Variants in CEP126 observed in about 807,000 individuals in gnomAD.
The protein encoded by CEP126 is centrosomal protein 126.
A neutral mutation model predicts 107.8 loss-of-function variants in CEP126; 74 were observed. The observed-to-expected ratio is 0.69, with a 90% CI of 0.57 to 0.83. The LOEUF is 0.83. Among genes scored for constraint, CEP126 ranks in the 40% least tolerant of loss-of-function variants. The pLI, the probability that CEP126 is intolerant of heterozygous loss-of-function variation, is 0.00. For synonymous variants in CEP126, 449 were observed against 446.0 expected (o/e 1.01, Z -0.08); for missense variants, 1,237 against 1,281.9 (o/e 0.96, Z 0.53).
intron 1 of CEP126, among the ~76,000 whole-genome samples, chr11:101,917,604 A>T (rs1480653400): frequency 5.9e-5 from 6 of 101,394 alleles, no homozygotes; most frequent in Middle Eastern, 4.5e-3. Flanking sequence ...AATGGAATTT[A>T]AAAAAAAAAA....
intron 2 of CEP126, among the ~76,000 whole-genome samples, chr11:101,939,111 A>G (rs780100576): frequency 2.0e-5 from 3 of 152,182 alleles, no homozygotes; most frequent in African/African-American, 4.8e-5. Flanking sequence ...CAAATATTCT[A>G]TATTCTTACT....
intron 1 of CEP126, among the ~76,000 whole-genome samples, chr11:101,918,631 A>T (rs922395850): frequency 6.6e-6 from 1 of 152,204 alleles, no homozygotes; most frequent in African/African-American, 2.4e-5. Flanking sequence ...TAATGCACTA[A>T]AAGATATAAA....
At chr11:101,924,437 G>A (rs75906457) in intron 2 of CEP126, among the ~76,000 whole-genome samples, 3 of 127,752 alleles carry the variant, frequency 2.3e-5, no homozygotes, top group Non-Finnish European at 3.5e-5. Flanking sequence ...TTGTTTTGGG[G>A]CTGTGTGTGT....
intron 2 of CEP126, among the ~76,000 whole-genome samples, chr11:101,924,874 A>C (rs1387095777): frequency 1.3e-5 from 2 of 152,194 alleles, no homozygotes; most frequent in African/African-American, 4.8e-5. Flanking sequence ...TGTTCCTAGC[A>C]TCAAGTTCTC....
At chr11:101,990,491 C>T (rs561740847) in intron 9 of CEP126, among the ~76,000 whole-genome samples, 1 of 152,248 alleles carries the variant, frequency 6.6e-6, no homozygotes, top group Non-Finnish European at 1.5e-5. Flanking sequence ...GGGCCAAAAC[C>T]ATTAGAGGTA....
chr11:101,983,781 A>T (rs1361226105), intron 8 of CEP126, among the ~76,000 whole-genome samples: 1 of 152,214 alleles, frequency 6.6e-6, no homozygotes, highest in Non-Finnish European at 1.5e-5. Context: ...GAATAACAGA[A>T]TAACTGCTAG....
chr11:101,978,115 A>G (rs1941213808), intron 6 of CEP126, among the ~76,000 whole-genome samples: 1 of 152,188 alleles, frequency 6.6e-6, no homozygotes, highest in South Asian at 2.1e-4. Context: ...CATGCTCTGG[A>G]GGTTACTGCT....
intron 1 of CEP126, among the ~76,000 whole-genome samples, chr11:101,918,080 C>A (rs1940257235): frequency 6.6e-6 from 1 of 152,112 alleles, no homozygotes; most frequent in Admixed American, 6.5e-5. Context: ...CACAAACACA[C>A]ACACTCCCAC....
In CEP126 at chr11:101,978,348, G is replaced by A; in HGVS notation, c.2847G>A (p.Gly949=). The stretch of plus-strand genomic sequence containing the variant: ...ACATTGTGCTGGCATTTGTTTAAGG[G>A]TCTACTGTTATGAGAAGAAAACGAA... ...NVLHQNKRAT[G]STVMRRKRIA... is the part of the protein sequence containing the mutation. Residue 949 remains glycine, a splice_region_variant and synonymous_variant, in exon 7 of 11, where the codon GGG becomes GGA. Coordinates refer to ENST00000263468, the MANE Select transcript of CEP126 (RefSeq NM_020802.4). The A allele has an allele frequency of 6.2e-7, 1 of 1,605,034 alleles. No individual in the cohort carries two copies. Among genetic ancestry groups the A allele is most frequent in the Non-Finnish European group, 8.5e-7 (1 of 1,172,216 alleles).
intron 6 of CEP126, among the ~76,000 whole-genome samples, chr11:101,972,624 A>G (rs1941145011): frequency 6.6e-6 from 1 of 152,060 alleles, no homozygotes; most frequent in Non-Finnish European, 1.5e-5. Context: ...AACATAGTGA[A>G]ACCCTGTCTC....
chr11:101,935,809 G>GTTT (rs1940569141), intron 2 of CEP126, among the ~76,000 whole-genome samples: 1 of 151,998 alleles, frequency 6.6e-6, no homozygotes, highest in African/African-American at 2.4e-5. Context: ...ATTTTAGGAT[G>GTTT]AAGTATAGGA....
At chr11:101,920,196 A>T (rs893895135) in intron 1 of CEP126, among the ~76,000 whole-genome samples, 1 of 152,216 alleles carries the variant, frequency 6.6e-6, no homozygotes, top group Non-Finnish European at 1.5e-5. Context: ...GAAAACAAAT[A>T]AGCCCCCATC....
At chr11:101,982,095 C>T (rs1941262533) in intron 8 of CEP126, 131 bp downstream of exon 8, 2 of 517,848 alleles carry the variant, frequency 3.9e-6, no homozygotes, top group Admixed American at 3.9e-5. Context: ...TCTCCTCACC[C>T]CTGCACATCC....
chr11:101,933,816 C>G (rs902956380), intron 2 of CEP126, among the ~76,000 whole-genome samples: 2 of 124,388 alleles, frequency 1.6e-5, no homozygotes, highest in Non-Finnish European at 3.4e-5. Context: ...CCCCCGAGAC[C>G]CCCCCCCCAC....
At chr11:101,956,519 C>T in intron 4 of CEP126, 1 of 456,568 alleles carries the variant, frequency 2.2e-6, no homozygotes, top group Non-Finnish European at 4.4e-6. Context: ...CTGTCATTCT[C>T]CATCTTCTTC....
intron 3 of CEP126, 73 bp downstream of exon 3, chr11:101,944,483 G>T: frequency 7.2e-7 from 1 of 1,385,710 alleles, no homozygotes; most frequent in Non-Finnish European, 9.7e-7. Flanking sequence ...CAATAAAATC[G>T]TAAATGAAGA....
intron 1 of CEP126, among the ~76,000 whole-genome samples, chr11:101,921,598 T>A (rs907792466): frequency 1.3e-5 from 2 of 150,706 alleles, no homozygotes; most frequent in Non-Finnish European, 3.0e-5. Flanking sequence ...TCCCAGCTAC[T>A]TGGGAGGCTG....
intron 9 of CEP126, among the ~76,000 whole-genome samples, chr11:101,989,341 T>C (rs965326660): frequency 2.0e-5 from 3 of 152,160 alleles, no homozygotes; most frequent in African/African-American, 7.2e-5. Context: ...TGGGGGACTG[T>C]CTAGTGCATC....
At chr11:101,917,439 A>G (rs1395532265) in intron 1 of CEP126, among the ~76,000 whole-genome samples, 3 of 152,174 alleles carry the variant, frequency 2.0e-5, no homozygotes, top group Admixed American at 6.5e-5. Flanking sequence ...CTCAGAGGCC[A>G]TCTGGCTTTC....
Sources: gnomAD v4.1 joint callset for allele counts (sites outside exome capture counted in the v4.1 genomes callset) on GRCh38, gnomAD v4.1.1 for gene constraint, MANE v1.5 for transcripts, NCBI Gene and HGNC (gene_info 2026-07-23, HGNC 2026-07-21) for gene names.